The following SMARCAD1 variants were observed in gnomAD, a reference collection of about 807,000 sequenced individuals.
SMARCAD1 encodes SWI/SNF-related matrix-associated actin-dependent regulator of chromatin subfamily A containing DEAD/H box 1.
In SMARCAD1, 25 loss-of-function variants were observed where a neutral mutation model predicts 127.1. The observed-to-expected ratio is 0.20, with a 90% CI of 0.14 to 0.27. SMARCAD1 has a LOEUF of 0.27. Among genes scored for constraint, SMARCAD1 ranks in the 10% least tolerant of loss-of-function variants. The pLI, the probability that SMARCAD1 is intolerant of heterozygous loss-of-function variation, is 1.00. For missense variants in SMARCAD1, 807 were observed against 1,206.0 expected (o/e 0.67, Z 4.90); for synonymous variants, 400 against 396.9 (o/e 1.01, Z -0.09).
chr4:94,215,511 C>G (rs149718391), intron 2 of SMARCAD1, among the ~76,000 whole-genome samples: 7 of 151,628 alleles, frequency 4.6e-5, no homozygotes, highest in Admixed American at 4.6e-4. Context: ...GTCCTAGCCA[C>G]TTGGGAGGTT....
In SMARCAD1 at chr4:94,290,274, T is replaced by C; in HGVS notation, c.*740T>C. 2.2e-6 allele frequency: 1 copy of C among 454,526 alleles called. No individual in the cohort carries two copies. Among genetic ancestry groups the C allele is most frequent in the Non-Finnish European group, 4.4e-6 (1 of 226,772 alleles). 28.2% of individuals were successfully genotyped at this position (454,526 alleles called of 1,614,324 possible). ...TTGTGCATATTACTCTGCCTAATCT[T>C]GTGCATGTTTTCATTGATTTCCCTC... On this transcript the variant is annotated 3_prime_UTR_variant, in exon 24 of 24. Transcript: ENST00000354268.
At chr4:94,215,480 G>A (rs1743023847) in intron 2 of SMARCAD1, among the ~76,000 whole-genome samples, 2 of 151,964 alleles carry the variant, frequency 1.3e-5, no homozygotes, top group African/African-American at 4.8e-5. Flanking sequence ...AATTAGTCAG[G>A]TGTGGTGGTG....
intron 19 of SMARCAD1, 35 bp downstream of exon 19, chr4:94,279,085 A>C (rs1236281964): frequency 6.2e-7 from 1 of 1,612,984 alleles, no homozygotes; most frequent in Non-Finnish European, 8.5e-7. Flanking sequence ...ACTAAGCTTT[A>C]ATAAGAGGTT....
intron 3 of SMARCAD1, 78 bp from the exon 4 acceptor site, chr4:94,233,876 T>C (rs1416423063): frequency 1.1e-5 from 16 of 1,415,470 alleles, no homozygotes; most frequent in Non-Finnish European, 1.6e-5. Context: ...TTGTACTATG[T>C]ATACACATAG....
chr4:94,208,744 G>C (rs893388573), intron 2 of SMARCAD1, among the ~76,000 whole-genome samples, 160 bp downstream of exon 2: 1 of 152,156 alleles, frequency 6.6e-6, no homozygotes, highest in East Asian at 1.9e-4. Context: ...TAAGCACCAT[G>C]TACCCTCAAC....
intron 6 of SMARCAD1, chr4:94,248,437 G>A (rs867193301): frequency 4.4e-6 from 2 of 455,934 alleles, no homozygotes; most frequent in African/African-American, 2.0e-5. Flanking sequence ...TCAGCTGGTT[G>A]TTGTCCATCT....
chr4:94,264,377 A>AT (rs1381359008), intron 9 of SMARCAD1, among the ~76,000 whole-genome samples: 1 of 151,958 alleles, frequency 6.6e-6, no homozygotes, highest in African/African-American at 2.4e-5. Flanking sequence ...TAAAAACTTG[A>AT]TAGGAGATAG....
rs1753654644 is a variant in SMARCAD1, at chr4:94,278,919, T to C, written c.2297-10T>C. On this transcript the variant is annotated splice_polypyrimidine_tract_variant and intron_variant, in intron 18 of 23. Transcript: ENST00000354268. ...GTTTTATTTTTTACTGTGTTCTCTTTGAGTCACAGAAAAAAACACAGAAAT... is the reference window on the plus strand; with the variant it reads ...GTTTTATTTTTTACTGTGTTCTCTTCGAGTCACAGAAAAAAACACAGAAAT... 6 of 1,613,650 alleles carry C rather than the reference T, an allele frequency of 3.7e-6. No individual in the cohort carries two copies. Among genetic ancestry groups the C allele is most frequent in the African/African-American group, 1.3e-5 (1 of 74,930 alleles).
intron 9 of SMARCAD1, among the ~76,000 whole-genome samples, chr4:94,261,698 C>G (rs1579255752): frequency 6.6e-6 from 1 of 152,340 alleles, no homozygotes; most frequent in East Asian, 1.9e-4. Context: ...CAACCTCTGA[C>G]TCCCGGGCTC....
intron 10 of SMARCAD1, among the ~76,000 whole-genome samples, chr4:94,268,222 C>A (rs1193971875): frequency 6.6e-6 from 1 of 152,070 alleles, no homozygotes; most frequent in African/African-American, 2.4e-5. Flanking sequence ...TTGAATAAAG[C>A]AATTTTATTT....
In SMARCAD1 at chr4:94,269,360, GC is replaced by G. The variant is rs568320266; in HGVS notation, c.1482-1366del. ...TAAAAGCTGGAGAATGGGAGGCATG[GC>G]CTTGTCCTATGTTTTCACATTAATG... is the stretch of plus-strand genomic sequence containing the variant. On this transcript the variant is annotated intron_variant, in intron 10 of 23. Coordinates refer to ENST00000354268, the MANE Select transcript of SMARCAD1 (RefSeq NM_020159.5). Among the ~76,000 whole-genome samples the G allele has an allele frequency of 1.2e-4, 18 of 152,264 alleles. No individual in the cohort carries two copies. In the South Asian group the frequency reaches 3.7e-3, roughly 32 times the overall value.
chr4:94,280,566 T>C, intron 19 of SMARCAD1, 26 bp from the exon 20 acceptor site: 1 of 1,584,484 alleles, frequency 6.3e-7, no homozygotes, highest in African/African-American at 1.3e-5. Context: ...TATTTTGAAG[T>C]ATACTGTGTT....
intron 13 of SMARCAD1, 25 bp from the exon 14 acceptor site, chr4:94,274,863 CAT>C (rs748656676): frequency 3.8e-6 from 6 of 1,584,824 alleles, no homozygotes; most frequent in South Asian, 3.3e-5. Context: ...AATAAATAGT[CAT>C]GTGTTTATTG....
At chr4:94,288,318 A>AT (rs1178781217) in intron 23 of SMARCAD1, among the ~76,000 whole-genome samples, 1 of 152,126 alleles carries the variant, frequency 6.6e-6, no homozygotes, top group Non-Finnish European at 1.5e-5. Flanking sequence ...CACACACAGC[A>AT]TTTTATTGTA....
chr4:94,254,092 T>C (rs916998538), intron 9 of SMARCAD1, among the ~76,000 whole-genome samples: 1 of 152,174 alleles, frequency 6.6e-6, no homozygotes, highest in Admixed American at 6.5e-5. Flanking sequence ...TACATTTTTT[T>C]AATTAAAATA....
At chr4:94,255,963 T>C (rs1294627985) in intron 9 of SMARCAD1, among the ~76,000 whole-genome samples, 2 of 152,166 alleles carry the variant, frequency 1.3e-5, no homozygotes, top group Non-Finnish European at 2.9e-5. Flanking sequence ...AAAATGTCAT[T>C]AGTTTAAAAA....
intron 7 of SMARCAD1, 44 bp downstream of exon 7, chr4:94,249,799 T>A (rs1216927344): frequency 3.6e-6 from 4 of 1,109,206 alleles, no homozygotes; most frequent in Non-Finnish European, 5.5e-6. Flanking sequence ...GTACTAAGTG[T>A]TTTTATTATA....
intron 6 of SMARCAD1, among the ~76,000 whole-genome samples, chr4:94,242,097 G>C (rs540802051): frequency 1.3e-5 from 2 of 152,062 alleles, no homozygotes; most frequent in Non-Finnish European, 2.9e-5. Context: ...ACAGTGGTGT[G>C]ATCTTGGCTC....
At chr4:94,273,854 T>C (rs990905923) in intron 12 of SMARCAD1, 138 bp downstream of exon 12, 9 of 691,828 alleles carry the variant, frequency 1.3e-5, no homozygotes, top group African/African-American at 1.3e-4. Flanking sequence ...TATGGTCTCT[T>C]TATACTTTTC....
Sources: gnomAD v4.1 joint callset for allele counts (sites outside exome capture counted in the v4.1 genomes callset) on GRCh38, gnomAD v4.1.1 for gene constraint, MANE v1.5 for transcripts, NCBI Gene and HGNC (gene_info 2026-07-23, HGNC 2026-07-21) for gene names.